Variants in CFAP46 observed in about 807,000 individuals in gnomAD.
CFAP46 encodes cilia- and flagella-associated protein 46.
CFAP46 carries 245 observed loss-of-function variants against 325.7 expected under a neutral mutation model. The ratio of observed to expected loss-of-function variants is 0.75; its 90% CI spans 0.68 to 0.84. CFAP46 has a LOEUF of 0.84. CFAP46 is among the 40% of genes least tolerant of loss of function. The pLI, the probability that CFAP46 is intolerant of heterozygous loss-of-function variation, is 0.00. For synonymous variants in CFAP46, 1,523 were observed against 1,495.9 expected, an observed-to-expected ratio of 1.02 and a Z score of -0.42; for missense variants, 3,346 against 3,543.0, an observed-to-expected ratio of 0.94 and a Z score of 1.41.
chr10:132,837,352 C>T lies in CFAP46; in HGVS notation c.6439-438G>A, dbSNP rs1355558279. ...GCAGACACACACGCGTGCACAGACA[C>T]GCACTCACGCAGACAGGCACGGACA... is the stretch of plus-strand genomic sequence containing the variant. On this transcript the variant is annotated intron_variant, in intron 44 of 57. Coordinates refer to ENST00000368586, the MANE Select transcript of CFAP46 (RefSeq NM_001200049.3). Among the ~76,000 whole-genome samples, 11 of 152,228 alleles carry T rather than the reference C, an allele frequency of 7.2e-5. 2 individuals carry two copies. Among genetic ancestry groups the T allele is most frequent in the Admixed American group, 4.6e-4 (7 of 15,296 alleles).
chr10:132,906,108 A>G (rs1368989952), intron 22 of CFAP46, among the ~76,000 whole-genome samples: 1 of 152,230 alleles, frequency 6.6e-6, no homozygotes, highest in Middle Eastern at 3.2e-3. Context: ...TGGCAAAGAG[A>G]AAACAGCGGG....
At chr10:132,894,053 G>A (rs1403331658) in intron 24 of CFAP46, among the ~76,000 whole-genome samples, 2 of 152,012 alleles carry the variant, frequency 1.3e-5, no homozygotes, top group African/African-American at 4.8e-5. Context: ...GGTTGCTGCA[G>A]CCCCCTGAGG....
At chr10:132,835,551 G>A in intron 46 of CFAP46, 117 bp from the exon 47 acceptor site, 1 of 1,323,480 alleles carries the variant, frequency 7.6e-7, no homozygotes, top group South Asian at 1.4e-5. Context: ...TGCATGGATG[G>A]AAGTCCCTTC....
In CFAP46 at chr10:132,814,543, T is replaced by A. The variant is rs113230787; in HGVS notation, c.7285+34A>T. The A allele has an allele frequency of 5.9e-5, 92 of 1,551,262 alleles. 1 individual carries two copies. In the African/African-American group the frequency reaches 1.1e-3, roughly 18 times the overall value. On this transcript the variant is annotated intron_variant, in intron 53 of 57. Transcript: ENST00000368586. ...GACGGCAGGAGGCCCGAGGCTGGCG[T>A]GTGCCTGAACAGGGAGCCCTGTGCA...
chr10:132,883,506 G>A (rs1416189173), intron 27 of CFAP46, among the ~76,000 whole-genome samples: 3 of 152,232 alleles, frequency 2.0e-5, no homozygotes, highest in Non-Finnish European at 4.4e-5. Context: ...CGCAGCCCAC[G>A]CCCTGCAGGC....
rs1292128575 is a variant in CFAP46, at chr10:132,814,568, A to G, written c.7285+9T>C. ...TGTGCCTGAACAGGGAGCCCTGTGC[A>G]GCACCCACCTGGGCCCTGGGCCTCC... is the stretch of plus-strand genomic sequence containing the variant. On this transcript the variant is annotated intron_variant, in intron 53 of 57. Coordinates refer to ENST00000368586, the MANE Select transcript of CFAP46 (RefSeq NM_001200049.3). The G allele has an allele frequency of 1.3e-6, 2 of 1,558,384 alleles. No individual in the cohort carries two copies. Among genetic ancestry groups the G allele is most frequent in the Non-Finnish European group, 1.7e-6 (2 of 1,151,604 alleles).
At chr10:132,930,644 C>G (rs1213077523) in intron 8 of CFAP46, among the ~76,000 whole-genome samples, 1 of 106,044 alleles carries the variant, frequency 9.4e-6, no homozygotes, top group Non-Finnish European at 1.9e-5. Context: ...CCACACAGAG[C>G]CTGGGCCTCC....
intron 17 of CFAP46, among the ~76,000 whole-genome samples, chr10:132,916,261 G>A (rs7078485): frequency 0.4 from 60,731 of 151,966 alleles, 12,581 homozygotes; most frequent in East Asian, 0.63. Flanking sequence ...GAGCAAGAGG[G>A]ACACTACAGG....
chr10:132,938,466 C>G, intron 5 of CFAP46, 123 bp downstream of exon 5: 1 of 922,268 alleles, frequency 1.1e-6, no homozygotes. Context: ...TGGGAGAGAA[C>G]GCACATGGAG....
rs998022364 is a variant in CFAP46, at chr10:132,828,195, G to A, written c.7117+5163C>T. On this transcript the variant is annotated intron_variant, in intron 50 of 57. Coordinates refer to ENST00000368586, the MANE Select transcript of CFAP46 (RefSeq NM_001200049.3). This position sits in a 1 kb window ranked among gnomAD's most constrained non-coding sequence, Gnocchi z 4.9. ...ATGTGTATGAGTTTCTGCGGGACGC[G>A]TGTCTCCTTATCTCTTTGGTAGATG... 3.9e-5 allele frequency among the ~76,000 whole-genome samples: 6 copies of A among 152,210 alleles called. No individual in the cohort carries two copies. The highest frequency in any genetic ancestry group is 2.1e-4 in the South Asian group (1 of 4,832).
In CFAP46 at chr10:132,922,197, C is replaced by T. The variant is rs549051832; in HGVS notation, c.1513G>A (p.Val505Ile). The T allele has an allele frequency of 2.7e-4, 424 of 1,550,522 alleles. 2 individuals are homozygous for T. The highest frequency in any genetic ancestry group is 2.7e-3 in the African/African-American group (194 of 73,198). The change falls in exon 13 of 58, where the codon GTC becomes ATC. Residue 505 changes from valine to isoleucine, a missense_variant. Physicochemically the swap from Val to Ile is conservative, Grantham distance 29. Coordinates refer to ENST00000368586, the MANE Select transcript of CFAP46 (RefSeq NM_001200049.3). ...ACCAGGAGGGCCCGCTTCTTCCTGA[C>T]GCTGTCCTTTGGTGTAGCTTTTTTT... ...QAKKATPKDS[V>I]RKKRALLVNA...
At chr10:132,839,188 G>A (rs1848311977) in intron 44 of CFAP46, among the ~76,000 whole-genome samples, 2 of 152,154 alleles carry the variant, frequency 1.3e-5, no homozygotes, top group South Asian at 4.1e-4. Flanking sequence ...TTGGTGAACA[G>A]AACTTCTGAA....
In CFAP46 at chr10:132,858,281, C is replaced by T. The variant is rs4994317; in HGVS notation, c.5376-493G>A. Among the ~76,000 whole-genome samples the T allele has an allele frequency of 6.2e-3, 236 of 37,820 alleles. 3 individuals are homozygous for T. Among genetic ancestry groups the T allele is most frequent in the Middle Eastern group, 0.015 (1 of 68 alleles). 24.8% of individuals were successfully genotyped at this position (37,820 alleles called of 152,430 possible). A position where few individuals can be genotyped will look rare whatever the true frequency, so the allele number is the denominator to read the frequency against. ...AGGGCCAGGGAGGCTTTGCTGGGGG[C>T]GGCCCCAGGTTGGGGGCAGGGAGGT... On this transcript the variant is annotated intron_variant, in intron 38 of 57. Coordinates refer to ENST00000368586, the MANE Select transcript of CFAP46 (RefSeq NM_001200049.3).
In CFAP46 at chr10:132,823,035, C is replaced by T. The variant is rs1308130822; in HGVS notation, c.7118-8121G>A. 7.4e-3 allele frequency among the ~76,000 whole-genome samples: 705 copies of T among 95,906 alleles called. 13 individuals carry two copies. Among genetic ancestry groups the T allele is most frequent in the African/African-American group, 0.026 (630 of 23,802 alleles). 62.9% of individuals were successfully genotyped at this position (95,906 alleles called of 152,430 possible). On this transcript the variant is annotated intron_variant, in intron 50 of 57. Coordinates refer to ENST00000368586, the MANE Select transcript of CFAP46 (RefSeq NM_001200049.3). Reference sequence around the variant, plus strand: ...CTGTGTGTGCTGTGTGCTGTGTGTGCGCTGATGTGTGCTGTGTGCTGTGAG... The same window carrying T: ...CTGTGTGTGCTGTGTGCTGTGTGTGTGCTGATGTGTGCTGTGTGCTGTGAG...
rs141471084 is a variant in CFAP46 at position 132,855,042 on chromosome 10, G to C, written c.5574+2548C>G. On this transcript the variant is annotated intron_variant, in intron 39 of 57. Coordinates refer to ENST00000368586, the MANE Select transcript of CFAP46 (RefSeq NM_001200049.3). ...TCTAGAAATATCTTCAGGTCATATT[G>C]GTTGGTAGTGTTGTTCAAATCTTCT... 1.0e-3 allele frequency among the ~76,000 whole-genome samples: 154 copies of C among 151,880 alleles called. 7 individuals carry two copies. The East Asian group carries it at 0.027, about 27-fold the overall frequency.
At chr10:132,902,050 A>G (rs1016951779) in intron 22 of CFAP46, among the ~76,000 whole-genome samples, 2 of 152,174 alleles carry the variant, frequency 1.3e-5, no homozygotes, top group African/African-American at 4.8e-5. Context: ...TGTGACTACA[A>G]TTCCCCCACG....
At chr10:132,814,636 G>T (rs371780133) in intron 52 of CFAP46, 24 bp from the exon 53 acceptor site, 1 of 1,580,478 alleles carries the variant, frequency 6.3e-7, no homozygotes, top group Non-Finnish European at 8.6e-7. Context: ...AAGGAGAAAC[G>T]GGAGCACAGG....
At chr10:132,926,070 G>A (rs535914688) in intron 10 of CFAP46, among the ~76,000 whole-genome samples, 1 of 152,362 alleles carries the variant, frequency 6.6e-6, no homozygotes, top group African/African-American at 2.4e-5. Context: ...CCTGGTAGTG[G>A]CTGCTATTCC....
At chr10:132,927,152 A>G (rs1306691861) in intron 9 of CFAP46, among the ~76,000 whole-genome samples, 1 of 152,072 alleles carries the variant, frequency 6.6e-6, no homozygotes, top group Non-Finnish European at 1.5e-5. Flanking sequence ...AAAGACCACT[A>G]AACCCACCCC....
Sources: allele counts gnomAD v4.1 joint callset (sites outside exome capture counted in the v4.1 genomes callset), GRCh38; gene constraint gnomAD v4.1.1; non-coding constraint Gnocchi (gnomAD v3.1); transcripts MANE v1.5; gene names NCBI Gene and HGNC (gene_info 2026-07-23, HGNC 2026-07-21).